Variants in KCNMA1 observed in about 807,000 individuals in gnomAD.
KCNMA1 encodes potassium calcium-activated channel subfamily M alpha 1.
KCNMA1 carries 29 observed loss-of-function variants against 140.0 expected under a neutral mutation model. The ratio of observed to expected loss-of-function variants is 0.21; its 90% CI spans 0.15 to 0.28. The LOEUF (loss-of-function observed/expected upper bound fraction) is 0.28. Ranked by LOEUF, KCNMA1 falls within the 10% of genes least tolerant of loss-of-function variation. The pLI, the probability that KCNMA1 is intolerant of heterozygous loss-of-function variation, is 1.00. For synonymous variants in KCNMA1, 612 were observed against 611.9 expected, an observed-to-expected ratio of 1.00 and a Z score of 0.00; for missense variants, 880 against 1,602.2, an observed-to-expected ratio of 0.55 and a Z score of 7.70.
intron 2 of KCNMA1, among the ~76,000 whole-genome samples, chr10:77,369,871 C>G (rs2094572720): frequency 6.6e-6 from 1 of 152,172 alleles, no homozygotes; most frequent in Non-Finnish European, 1.5e-5. Context: ...AAGGGAACAT[C>G]TTTTGCTTTC....
intron 1 of KCNMA1, among the ~76,000 whole-genome samples, chr10:77,476,784 G>T (rs1447354491): frequency 2.6e-5 from 4 of 152,220 alleles, no homozygotes; most frequent in South Asian, 2.1e-4. Context: ...TGCAAAAGAG[G>T]TCGGGGCACC....
At chr10:77,062,440 G>A (rs953733461) in intron 14 of KCNMA1, among the ~76,000 whole-genome samples, 6 of 152,130 alleles carry the variant, frequency 3.9e-5, no homozygotes, top group Non-Finnish European at 8.8e-5. Context: ...TTTCACACAT[G>A]GGAAGTCTAT....
Position 77,073,284 on chromosome 10 carries a change from C to T in KCNMA1, c.1594-32G>A, listed in dbSNP as rs569958794. The T allele has an allele frequency of 1.4e-5, 22 of 1,610,744 alleles. No individual in the cohort carries two copies. The South Asian group carries it at 2.3e-4, about 17-fold the overall frequency. ...AAAGAAAAGCAGGTATGAGACCTTG[C>T]TCTGTTAAATGTTCAATTGTTTAAC... On this transcript the variant is annotated intron_variant, in intron 13 of 27. Transcript: ENST00000286628.
intron 19 of KCNMA1, among the ~76,000 whole-genome samples, chr10:76,974,757 G>A (rs576341594): frequency 4.6e-5 from 7 of 151,802 alleles, no homozygotes; most frequent in South Asian, 2.1e-4. Flanking sequence ...TCTTTTTGCC[G>A]TCTTATTGTC....
At chr10:77,573,542 C>T (rs779527491) in intron 1 of KCNMA1, among the ~76,000 whole-genome samples, 34 of 151,992 alleles carry the variant, frequency 2.2e-4, no homozygotes, top group Non-Finnish European at 4.7e-4. Context: ...TTTCAGATGG[C>T]AGGCCTCAAC....
chr10:77,271,793 C>A (rs1453053173), intron 2 of KCNMA1, among the ~76,000 whole-genome samples: 2 of 152,134 alleles, frequency 1.3e-5, no homozygotes, highest in Non-Finnish European at 2.9e-5. Context: ...CATTGATTCA[C>A]CTGAGCCTTA....
chr10:76,949,398 G>A (rs2065383591), intron 21 of KCNMA1, 32 bp from the exon 22 acceptor site: 4 of 1,546,616 alleles, frequency 2.6e-6, no homozygotes, highest in African/African-American at 2.7e-5. Flanking sequence ...AAGAGTCAGA[G>A]AGAAGACTGC....
rs533827596 is a variant in KCNMA1, at chr10:77,219,755, G to A, written c.602+31440C>T. Among the ~76,000 whole-genome samples, 15 of 152,234 alleles carry A rather than the reference G, an allele frequency of 9.9e-5. No individual in the cohort carries two copies. In the South Asian group the frequency reaches 1.5e-3, roughly 15 times the overall value. On this transcript the variant is annotated intron_variant, in intron 3 of 27. Coordinates refer to ENST00000286628, the MANE Select transcript of KCNMA1 (RefSeq NM_001161352.2). ...TTGCCTCAGCCTCCCAAGTAGCTGG[G>A]ACTACAGGCACCCACCACCACACCT... is the stretch of plus-strand genomic sequence containing the variant.
At chr10:77,229,390 AGT>A (rs2052739769) in intron 3 of KCNMA1, among the ~76,000 whole-genome samples, 1 of 151,844 alleles carries the variant, frequency 6.6e-6, no homozygotes, top group Non-Finnish European at 1.5e-5. Flanking sequence ...CAAAAATAGT[AGT>A]AACAATAATT....
chr10:77,637,628 G>GCCA lies in KCNMA1; in HGVS notation c.12_14dup (p.Gly10dup), dbSNP rs1229138936. 6.6e-7 allele frequency: 1 copy of GCCA among 1,520,766 alleles called. No individual in the cohort carries two copies. Among genetic ancestry groups the GCCA allele is most frequent in the South Asian group, 1.2e-5 (1 of 81,966 alleles). The allele number at this position is 1,520,766 out of a possible 1,614,324, so 94.2% of individuals were successfully genotyped here. The stretch of plus-strand genomic sequence containing the variant: ...CGCCGCTGCTGCCGCCGCCGCCGCC[G>GCCA]CCACCATTTGCCATAGCTAGCAACG... On this transcript the variant is annotated inframe_insertion, in exon 1 of 28. Coordinates refer to ENST00000286628, the MANE Select transcript of KCNMA1 (RefSeq NM_001161352.2).
chr10:77,296,089 G>A (rs374943036), intron 2 of KCNMA1, among the ~76,000 whole-genome samples: 17 of 152,114 alleles, frequency 1.1e-4, no homozygotes, highest in Non-Finnish European at 1.9e-4. Context: ...ATGAATATGT[G>A]ACCTTACATG....
chr10:77,602,200 C>A (rs1053584481), intron 1 of KCNMA1, among the ~76,000 whole-genome samples: 2 of 152,110 alleles, frequency 1.3e-5, no homozygotes, highest in African/African-American at 4.8e-5. Flanking sequence ...TTGGGGGAGA[C>A]GGGGATGCGC....
intron 3 of KCNMA1, among the ~76,000 whole-genome samples, chr10:77,194,818 A>G (rs1375057452): frequency 1.3e-5 from 2 of 152,066 alleles, no homozygotes; most frequent in Non-Finnish European, 2.9e-5. Flanking sequence ...TCCTGAATGT[A>G]GGAAGCCTGA....
At chr10:77,263,784 A>G (rs957854065) in intron 2 of KCNMA1, among the ~76,000 whole-genome samples, 1 of 152,128 alleles carries the variant, frequency 6.6e-6, no homozygotes, top group Non-Finnish European at 1.5e-5. Flanking sequence ...GGCACCAAAC[A>G]TGTCACACTC....
At chr10:77,048,174 C>A (rs1023841729) in intron 14 of KCNMA1, among the ~76,000 whole-genome samples, 3 of 147,798 alleles carry the variant, frequency 2.0e-5, no homozygotes, top group African/African-American at 7.5e-5. Context: ...ATGCAAGGTA[C>A]AAATCCAAAA....
chr10:76,986,637 G>A (rs539165674), intron 19 of KCNMA1, among the ~76,000 whole-genome samples: 2 of 152,330 alleles, frequency 1.3e-5, no homozygotes, highest in East Asian at 1.9e-4. Flanking sequence ...GTTAGCTTGT[G>A]TATTAGTCCA....
intron 1 of KCNMA1, among the ~76,000 whole-genome samples, chr10:77,513,077 A>G (rs182644006): frequency 6.6e-6 from 1 of 152,172 alleles, no homozygotes; most frequent in Non-Finnish European, 1.5e-5. Flanking sequence ...ACCATGGCCA[A>G]CAAAGCCCTG....
At chr10:77,229,042 A>G (rs971015409) in intron 3 of KCNMA1, among the ~76,000 whole-genome samples, 2 of 152,240 alleles carry the variant, frequency 1.3e-5, no homozygotes, top group African/African-American at 2.4e-5. Flanking sequence ...AAAACTAACA[A>G]AGCAGTTTGT....
intron 24 of KCNMA1, 86 bp downstream of exon 24, chr10:76,914,850 G>T: frequency 3.0e-6 from 3 of 999,756 alleles, no homozygotes; most frequent in Non-Finnish European, 4.8e-6. Flanking sequence ...AGTTGAAAGG[G>T]CTAAGAAATA....
Sources: allele counts gnomAD v4.1 joint callset (sites outside exome capture counted in the v4.1 genomes callset), GRCh38; gene constraint gnomAD v4.1.1; transcripts MANE v1.5; gene names NCBI Gene and HGNC (gene_info 2026-07-23, HGNC 2026-07-21).